The following FANCI variants were observed in gnomAD, a reference collection of about 807,000 sequenced individuals.
The protein encoded by FANCI is Fanconi anemia group I protein.
A neutral mutation model predicts 176.1 loss-of-function variants in FANCI; 156 were observed. The observed-to-expected ratio is 0.89, with a 90% CI of 0.78 to 1.01. The LOEUF is 1.01. Ranked by LOEUF, FANCI falls within the 50% of genes least tolerant of loss-of-function variation. The pLI is 0.00. For missense variants in FANCI, 1,678 were observed against 1,534.1 expected (o/e 1.09, Z -1.57); for synonymous variants, 613 against 541.7 (o/e 1.13, Z -1.83).
At chr15:89,312,706 G>C (rs753560366) in intron 34 of FANCI, among the ~76,000 whole-genome samples, 198 bp from the exon 35 acceptor site, 1 of 151,916 alleles carries the variant, frequency 6.6e-6, no homozygotes, top group Non-Finnish European at 1.5e-5. Context: ...TGTAGTCCCA[G>C]CTACTCGGGA....
rs758206965 is a variant in FANCI at position 89,291,667 on chromosome 15, G to C, written c.1945G>C (p.Ala649Pro). The change falls in exon 20 of 38, where the codon GCT becomes CCT. Residue 649 changes from alanine (A) to proline (P), a missense_variant. Transcript: ENST00000310775. ...TCTGCTGCCTCCTCTGAAATTAGAA[G>C]CTTGTATTCTGACCCAAGGAGATAA... ...PDLLPPLKLE[A>P]CILTQGDKIS... 3 of 1,613,808 alleles carry C rather than the reference G, an allele frequency of 1.9e-6. No homozygotes were observed.
At chr15:89,302,336 A>C (rs2054553732) in intron 27 of FANCI, among the ~76,000 whole-genome samples, 1 of 152,018 alleles carries the variant, frequency 6.6e-6, no homozygotes, top group Non-Finnish European at 1.5e-5. Flanking sequence ...GCTCACCCCC[A>C]CTTTGCTCTC....
chr15:89,251,839 A>G (rs989303415), intron 2 of FANCI, among the ~76,000 whole-genome samples: 3 of 152,208 alleles, frequency 2.0e-5, no homozygotes, highest in Non-Finnish European at 4.4e-5. Flanking sequence ...ACATCATAAA[A>G]TGTATATATC....
chr15:89,246,991 G>A (rs951934400), intron 1 of FANCI, among the ~76,000 whole-genome samples: 1 of 150,738 alleles, frequency 6.6e-6, no homozygotes, highest in Non-Finnish European at 1.5e-5. Context: ...AAATGGTCTC[G>A]ATCTCCTGAC....
chr15:89,281,075 AAAC>A, intron 14 of FANCI, 92 bp from the exon 15 acceptor site: 1 of 1,337,230 alleles, frequency 7.5e-7, no homozygotes, highest in Non-Finnish European at 1.1e-6. Context: ...TTGAGAAAGG[AAAC>A]AAAAGACTTC....
At chr15:89,301,211 T>G in intron 26 of FANCI, 115 bp from the exon 27 acceptor site, 2 of 790,568 alleles carry the variant, frequency 2.5e-6, no homozygotes, top group Non-Finnish European at 4.6e-6. Flanking sequence ...CTTAGAATTT[T>G]GGTAGCTTTG....
Position 89,300,225 on chromosome 15 carries a change from A to G in FANCI, c.2804-75A>G, listed in dbSNP as rs145405529. 0.01 allele frequency: 14,985 copies of G among 1,453,264 alleles called. 111 individuals are homozygous for G. The highest frequency in any genetic ancestry group is 0.013 in the Non-Finnish European group (13,174 of 1,051,450). 90.0% of individuals were successfully genotyped at this position (1,453,264 alleles called of 1,614,324 possible). A position where few individuals can be genotyped will look rare whatever the true frequency, so the allele number is the denominator to read the frequency against. On this transcript the variant is annotated intron_variant, in intron 25 of 37. Transcript: ENST00000310775. ...CCTTTAGACTTTTTTTTGGCTTTCAAAAATTTTAGCTATTAAAAGGCCAAA... is the reference window on the plus strand; with the variant it reads ...CCTTTAGACTTTTTTTTGGCTTTCAGAAATTTTAGCTATTAAAAGGCCAAA...
chr15:89,291,759 G>A (rs1359047735), intron 20 of FANCI, 45 bp downstream of exon 20: 2 of 1,495,042 alleles, frequency 1.3e-6, no homozygotes, highest in Admixed American at 3.3e-5. Flanking sequence ...TAGTATTAAG[G>A]ATAGGGTTGA....
intron 16 of FANCI, 197 bp from the exon 17 acceptor site, chr15:89,282,939 T>C (rs765898982): frequency 1.3e-5 from 8 of 602,138 alleles, no homozygotes; most frequent in Non-Finnish European, 2.4e-5. Flanking sequence ...TTGAAAAAAG[T>C]CAGTTGAATT....
chr15:89,313,887 CAT>C (rs1209299453), intron 35 of FANCI, among the ~76,000 whole-genome samples: 1 of 143,156 alleles, frequency 7.0e-6, no homozygotes, highest in African/African-American at 2.6e-5. Flanking sequence ...ACAGTATCCT[CAT>C]GGGTTAAAAA....
At chr15:89,273,805 C>G (rs926196498) in intron 11 of FANCI, among the ~76,000 whole-genome samples, 4 of 152,174 alleles carry the variant, frequency 2.6e-5, no homozygotes, top group African/African-American at 9.7e-5. Context: ...TATGTTGTAG[C>G]TTTCCAAGAG....
In FANCI at chr15:89,281,307, C is replaced by A; in HGVS notation, c.1512+7C>A. On this transcript the variant is annotated splice_region_variant and intron_variant, in intron 15 of 37. Coordinates refer to ENST00000310775, the MANE Select transcript of FANCI (RefSeq NM_001113378.2). ...GCTGCTTAAGGCAGTGCAGGTAAGT[C>A]TTCAGATTCCCAAGTAACTTGCCAA... 6.2e-7 allele frequency: 1 copy of A among 1,613,534 alleles called. No individual in the cohort carries two copies. The highest frequency in any genetic ancestry group is 1.1e-5 in the South Asian group (1 of 91,028).
At chr15:89,255,369 C>T (rs1250880534) in intron 2 of FANCI, among the ~76,000 whole-genome samples, 1 of 152,110 alleles carries the variant, frequency 6.6e-6, no homozygotes, top group African/African-American at 2.4e-5. Context: ...ACAGTGGTTT[C>T]TGCTGGGCTT....
At chr15:89,258,648 G>C in intron 2 of FANCI, 56 bp from the exon 3 acceptor site, 2 of 1,289,358 alleles carry the variant, frequency 1.6e-6, no homozygotes, top group Non-Finnish European at 2.3e-6. Flanking sequence ...TGAGTGTTTA[G>C]GTCATTGGGG....
At chr15:89,246,897 C>G (rs761677635) in intron 1 of FANCI, among the ~76,000 whole-genome samples, 10 of 150,888 alleles carry the variant, frequency 6.6e-5, no homozygotes, top group Non-Finnish European at 1.3e-4. Context: ...TCCCGAGTAG[C>G]TGGGACTATA....
At chr15:89,258,967 T>A in intron 3 of FANCI, 191 bp downstream of exon 3, 1 of 572,010 alleles carries the variant, frequency 1.7e-6, no homozygotes, top group Non-Finnish European at 3.1e-6. Flanking sequence ...GAGTTTGAAG[T>A]GGCTACCTGA....
At chr15:89,276,595 C>T (rs1596275203) in intron 12 of FANCI, 116 bp from the exon 13 acceptor site, 1 of 1,074,712 alleles carries the variant, frequency 9.3e-7, no homozygotes, top group East Asian at 2.4e-5. Context: ...GGTTTATATG[C>T]AGAGTACGTT....
chr15:89,268,046 GCTCATCGT>G, intron 9 of FANCI, among the ~76,000 whole-genome samples: 1 of 152,322 alleles, frequency 6.6e-6, no homozygotes, highest in Non-Finnish European at 1.5e-5. Context: ...TGGTCTACTT[GCTCATCGT>G]AGCACCTGTC....
intron 24 of FANCI, among the ~76,000 whole-genome samples, chr15:89,297,689 G>A (rs955891188): frequency 1.3e-5 from 2 of 149,660 alleles, no homozygotes; most frequent in African/African-American, 4.9e-5. Flanking sequence ...GCAGTGAGCC[G>A]AGATGGCAGC....
Sources: gnomAD v4.1 joint callset for allele counts (sites outside exome capture counted in the v4.1 genomes callset) on GRCh38, gnomAD v4.1.1 for gene constraint, MANE v1.5 for transcripts, NCBI Gene and HGNC (gene_info 2026-07-23, HGNC 2026-07-21) for gene names.